MCTP2: variants seen among roughly 807,000 people sequenced by gnomAD.
MCTP2 encodes multiple C2 and transmembrane domain containing 2, also known as multiple C2 and transmembrane domain-containing protein 2.
In MCTP2, 132 loss-of-function variants were observed where a neutral mutation model predicts 111.6. The observed-to-expected ratio is 1.18, with a 90% CI of 1.03 to 1.37. The LOEUF (loss-of-function observed/expected upper bound fraction) is 1.37. Ranked by LOEUF, MCTP2 falls within the 40% of genes most tolerant of loss-of-function variation. MCTP2 has a pLI of 0.00. For synonymous variants in MCTP2, 395 were observed against 387.7 expected (o/e 1.02, Z -0.22); for missense variants, 1,183 against 1,067.9 (o/e 1.11, Z -1.50).
chr15:94,293,888 T>A (rs969822555), intron 1 of MCTP2, among the ~76,000 whole-genome samples: 1 of 152,146 alleles, frequency 6.6e-6, no homozygotes, highest in East Asian at 1.9e-4. Context: ...AATGAGAACA[T>A]ATATTCGTAC....
At chr15:94,464,371 G>GAATTAATGTTGTTTATAACATCCTCTT (rs2085466157) in intron 20 of MCTP2, among the ~76,000 whole-genome samples, 1 of 133,894 alleles carries the variant, frequency 7.5e-6, no homozygotes, top group Non-Finnish European at 1.6e-5. Flanking sequence ...TCTACTTGTT[G>GAATTAATGTTGTTTATAACATCCTCTT]ATTTAATGTT....
chr15:94,282,947 G>A (rs2074563275), intron 1 of MCTP2, among the ~76,000 whole-genome samples: 1 of 152,118 alleles, frequency 6.6e-6, no homozygotes, highest in African/African-American at 2.4e-5. Flanking sequence ...TCCCCTAGCA[G>A]CAACACTCTG....
intron 17 of MCTP2, among the ~76,000 whole-genome samples, chr15:94,437,581 A>G (rs2083548862): frequency 6.6e-6 from 1 of 152,146 alleles, no homozygotes; most frequent in African/African-American, 2.4e-5. Context: ...TAAATTATCA[A>G]GACAATCTCA....
chr15:94,322,726 G>T (rs765262769), intron 4 of MCTP2, among the ~76,000 whole-genome samples: 1 of 152,182 alleles, frequency 6.6e-6, no homozygotes, highest in Non-Finnish European at 1.5e-5. Context: ...TTCAGCGGAA[G>T]CATCTTGGAA....
chr15:94,429,306 C>G (rs1424353009), intron 17 of MCTP2, among the ~76,000 whole-genome samples: 1 of 152,080 alleles, frequency 6.6e-6, no homozygotes, highest in African/African-American at 2.4e-5. Flanking sequence ...ATTTATCTCT[C>G]TCTCCTCATT....
intron 8 of MCTP2, among the ~76,000 whole-genome samples, chr15:94,353,168 T>A (rs1331197627): frequency 6.6e-6 from 1 of 152,154 alleles, no homozygotes; most frequent in East Asian, 1.9e-4. Flanking sequence ...CTGCGTTAAA[T>A]ACTAAAATGT....
intron 1 of MCTP2, among the ~76,000 whole-genome samples, chr15:94,245,395 CATGTGTGTATATATTTATAT>C (rs2071815929): frequency 8.1e-5 from 4 of 49,634 alleles, no homozygotes; most frequent in South Asian, 6.0e-4. Flanking sequence ...TATTTATATA[CATGTGTGTATATATTTATAT>C]ACATGTGTGT....
At chr15:94,458,287 G>T (rs1272167982) in intron 20 of MCTP2, 41 bp downstream of exon 20, 2 of 1,212,602 alleles carry the variant, frequency 1.6e-6, no homozygotes, top group Non-Finnish European at 2.5e-6. Context: ...CAGTAGACCT[G>T]CTATCCACAA....
chr15:94,455,433 GTTCT>G (rs750609181), intron 19 of MCTP2, among the ~76,000 whole-genome samples: 62 of 151,620 alleles, frequency 4.1e-4, no homozygotes, highest in Middle Eastern at 6.9e-3. Context: ...CATAGACAGT[GTTCT>G]TTCTGTTGTT....
intron 12 of MCTP2, among the ~76,000 whole-genome samples, chr15:94,372,332 A>G (rs151326973): frequency 5.9e-5 from 9 of 152,338 alleles, no homozygotes; most frequent in African/African-American, 1.9e-4. Context: ...TAAGTCTCAC[A>G]GTCTATGTTT....
At chr15:94,443,466 A>G (rs1317330198) in intron 19 of MCTP2, among the ~76,000 whole-genome samples, 1 of 152,188 alleles carries the variant, frequency 6.6e-6, no homozygotes, top group Non-Finnish European at 1.5e-5. Context: ...TTACGCTTTC[A>G]GACAAACCTT....
At chr15:94,398,912 C>A in intron 14 of MCTP2, 49 bp from the exon 15 acceptor site, 1 of 1,147,382 alleles carries the variant, frequency 8.7e-7, no homozygotes, top group Non-Finnish European at 1.3e-6. Context: ...TACTTTAAAC[C>A]ACATAGTAAT....
At chr15:94,431,065 A>G (rs2083159269) in intron 17 of MCTP2, among the ~76,000 whole-genome samples, 1 of 152,110 alleles carries the variant, frequency 6.6e-6, no homozygotes, top group Non-Finnish European at 1.5e-5. Flanking sequence ...CCTCATATAC[A>G]ATCTAAGCTA....
At chr15:94,478,158 G>A (rs755971063) in intron 22 of MCTP2, among the ~76,000 whole-genome samples, 3 of 152,174 alleles carry the variant, frequency 2.0e-5, no homozygotes, top group Non-Finnish European at 4.4e-5. Context: ...TATTTGCAAC[G>A]TACCATCACT....
intron 2 of MCTP2, among the ~76,000 whole-genome samples, chr15:94,299,960 G>T (rs1404990791): frequency 6.6e-6 from 1 of 152,088 alleles, no homozygotes; most frequent in South Asian, 2.1e-4. Flanking sequence ...AACCCATTTT[G>T]TAAACCTTTT....
chr15:94,376,729 T>G (rs1355804383), intron 12 of MCTP2, among the ~76,000 whole-genome samples: 1 of 152,216 alleles, frequency 6.6e-6, no homozygotes, highest in Non-Finnish European at 1.5e-5. Flanking sequence ...TTCAGCCACT[T>G]TTAGAAATCT....
At chr15:94,246,771 A>G (rs886417011) in intron 1 of MCTP2, among the ~76,000 whole-genome samples, 4 of 152,208 alleles carry the variant, frequency 2.6e-5, no homozygotes, top group Admixed American at 6.5e-5. Flanking sequence ...GTCACATGAT[A>G]ATGTCCACTT....
chr15:94,443,969 G>A (rs1252969808), intron 19 of MCTP2, among the ~76,000 whole-genome samples: 1 of 109,312 alleles, frequency 9.1e-6, no homozygotes, highest in African/African-American at 3.6e-5. Flanking sequence ...GGTTTATAAT[G>A]GGATATTTTA....
intron 21 of MCTP2, 44 bp downstream of exon 21, chr15:94,470,486 A>C: frequency 1.6e-6 from 2 of 1,239,420 alleles, no homozygotes; most frequent in Non-Finnish European, 2.4e-6. Context: ...ATTCCAGGTA[A>C]GAACCAATTA....
Sources: gnomAD v4.1 joint callset for allele counts (sites outside exome capture counted in the v4.1 genomes callset) on GRCh38, gnomAD v4.1.1 for gene constraint, MANE v1.5 for transcripts, NCBI Gene and HGNC (gene_info 2026-07-23, HGNC 2026-07-21) for gene names.